The following MACROD2 variants were observed in gnomAD, a reference collection of about 807,000 sequenced individuals.
MACROD2 encodes mono-ADP ribosylhydrolase 2.
Under a neutral mutation model 70.4 loss-of-function variants are expected in MACROD2, and 36 were observed. That is an observed-to-expected ratio of 0.51 (90% CI 0.39 to 0.68). The LOEUF is 0.68. Ranked by LOEUF, MACROD2 falls within the 30% of genes least tolerant of loss-of-function variation. MACROD2 has a pLI of 0.00. For synonymous variants in MACROD2, 172 were observed against 178.8 expected, an observed-to-expected ratio of 0.96 and a Z score of 0.30; for missense variants, 496 against 538.4, an observed-to-expected ratio of 0.92 and a Z score of 0.78.
chr20:15,408,814 A>G (rs930363611), intron 6 of MACROD2, among the ~76,000 whole-genome samples: 5 of 152,238 alleles, frequency 3.3e-5, no homozygotes, highest in African/African-American at 1.2e-4. Flanking sequence ...ATGTCTGGCA[A>G]AGGAAATCTG....
At chr20:15,446,662 GGCAGCT>G (rs2046569973) in intron 7 of MACROD2, among the ~76,000 whole-genome samples, 1 of 152,128 alleles carries the variant, frequency 6.6e-6, no homozygotes, top group Non-Finnish European at 1.5e-5. Context: ...AGTGATCACC[GGCAGCT>G]CAGGGGCTCC....
At chr20:14,008,198 G>C (rs2052848971) in intron 2 of MACROD2, among the ~76,000 whole-genome samples, 1 of 152,154 alleles carries the variant, frequency 6.6e-6, no homozygotes, top group Non-Finnish European at 1.5e-5. Context: ...GTTTGTAGAT[G>C]ACATGATCCT....
intron 10 of MACROD2, among the ~76,000 whole-genome samples, chr20:15,899,258 GTA>G (rs945864948): frequency 1.3e-4 from 20 of 151,854 alleles, no homozygotes; most frequent in African/African-American, 4.6e-4. Context: ...GTACACACGT[GTA>G]TATATGTATC....
At chr20:14,918,512 C>G (rs1003818455) in intron 5 of MACROD2, among the ~76,000 whole-genome samples, 11 of 152,062 alleles carry the variant, frequency 7.2e-5, no homozygotes, top group African/African-American at 2.7e-4. Context: ...TGTAGGTCAG[C>G]TGGCACAGGG....
chr20:14,518,555 G>T (rs1301752682), intron 4 of MACROD2, among the ~76,000 whole-genome samples: 1 of 152,104 alleles, frequency 6.6e-6, no homozygotes, highest in Non-Finnish European at 1.5e-5. Flanking sequence ...CATATGTTAA[G>T]TAGAGTTTTA....
rs1170216213 is a variant in MACROD2, at chr20:15,540,168, G to C, written c.645+40321G>C. ...TAATGACAAACAGCTGAGCATGGCT[G>C]GGTGCATGAACTAAAATATTGCTTG... On this transcript the variant is annotated intron_variant, in intron 8 of 17. Transcript: ENST00000684519. Among the ~76,000 whole-genome samples, 11 of 152,312 alleles carry C rather than the reference G, an allele frequency of 7.2e-5. No individual in the cohort carries two copies. The East Asian group carries it at 2.1e-3, about 29-fold the overall frequency.
chr20:14,720,557 T>TG, intron 5 of MACROD2, among the ~76,000 whole-genome samples: 1 of 119,112 alleles, frequency 8.4e-6, no homozygotes, highest in Non-Finnish European at 1.7e-5. Flanking sequence ...TTTTTTTTTT[T>TG]TTTTTTTTTT....
intron 6 of MACROD2, among the ~76,000 whole-genome samples, chr20:15,253,140 G>C (rs560713186): frequency 1.3e-5 from 2 of 152,308 alleles, no homozygotes; most frequent in South Asian, 4.2e-4. Context: ...AGTGTGTTCA[G>C]TCATCAAAAT....
At chr20:15,025,522 T>C (rs2075223299) in intron 5 of MACROD2, among the ~76,000 whole-genome samples, 2 of 152,078 alleles carry the variant, frequency 1.3e-5, no homozygotes, top group Non-Finnish European at 2.9e-5. Context: ...TCTACCCCTC[T>C]ACCTACTCCT....
At chr20:15,073,034 A>G (rs2075630702) in intron 5 of MACROD2, among the ~76,000 whole-genome samples, 1 of 152,128 alleles carries the variant, frequency 6.6e-6, no homozygotes, top group Non-Finnish European at 1.5e-5. Flanking sequence ...CCCTTCTGCC[A>G]TGGGATGATA....
At chr20:14,459,755 T>C (rs1704312057) in intron 3 of MACROD2, among the ~76,000 whole-genome samples, 2 of 152,138 alleles carry the variant, frequency 1.3e-5, no homozygotes, top group African/African-American at 4.8e-5. Flanking sequence ...CTTTAAGTTC[T>C]GGGATACATG....
chr20:14,579,393 G>A (rs976653135), intron 4 of MACROD2, among the ~76,000 whole-genome samples: 2 of 150,588 alleles, frequency 1.3e-5, no homozygotes, highest in Non-Finnish European at 1.5e-5. Flanking sequence ...CACCCGCCTC[G>A]GCCTCCCAAA....
intron 5 of MACROD2, among the ~76,000 whole-genome samples, chr20:14,958,187 A>G (rs760225010): frequency 1.3e-5 from 2 of 152,208 alleles, no homozygotes; most frequent in Non-Finnish European, 2.9e-5. Context: ...CCACACTCAC[A>G]TCAGTCAGAA....
At chr20:14,288,683 C>T (rs922855197) in intron 3 of MACROD2, among the ~76,000 whole-genome samples, 3 of 152,128 alleles carry the variant, frequency 2.0e-5, no homozygotes, top group African/African-American at 7.2e-5. Flanking sequence ...TTTCAAGAGC[C>T]CTTCATTTCC....
At chr20:15,181,573 A>G (rs539501775) in intron 5 of MACROD2, among the ~76,000 whole-genome samples, 2 of 152,302 alleles carry the variant, frequency 1.3e-5, no homozygotes, top group African/African-American at 2.4e-5. Flanking sequence ...TTCCTTTTAC[A>G]TATACTATGT....
chr20:14,742,324 G>A (rs2123721246), intron 5 of MACROD2, among the ~76,000 whole-genome samples: 1 of 152,156 alleles, frequency 6.6e-6, no homozygotes, highest in Non-Finnish European at 1.5e-5. Context: ...GCTTTCTTCT[G>A]AGAAAAGTTT....
intron 7 of MACROD2, among the ~76,000 whole-genome samples, chr20:15,441,992 A>C (rs1208501264): frequency 6.6e-6 from 1 of 152,152 alleles, no homozygotes; most frequent in African/African-American, 2.4e-5. Context: ...ACTGTTTTGG[A>C]GTGTTGAAGA....
At position 15,695,399 on chromosome 20, in the gene MACROD2, TTTC is replaced by T. The variant is rs199713296; in HGVS notation, c.646-167334_646-167332del. ...GTGTAGTCTTTGATTTCTTTCTTTT[TTTC>T]TTCTTCTTCTTTTTTTTTTTTTGGA... On this transcript the variant is annotated intron_variant, in intron 8 of 17. Transcript: ENST00000684519. 1.9e-3 allele frequency among the ~76,000 whole-genome samples: 281 copies of T among 146,932 alleles called. 4 individuals carry two copies. The highest frequency in any genetic ancestry group is 3.5e-3 in the Middle Eastern group (1 of 282).
At chr20:15,951,150 C>T (rs540256685) in intron 12 of MACROD2, among the ~76,000 whole-genome samples, 2 of 152,092 alleles carry the variant, frequency 1.3e-5, no homozygotes, top group East Asian at 1.9e-4. Flanking sequence ...GGAGTGGTAT[C>T]GGAAAAACAT....
Sources: allele counts gnomAD v4.1 joint callset (sites outside exome capture counted in the v4.1 genomes callset), GRCh38; gene constraint gnomAD v4.1.1; transcripts MANE v1.5; gene names NCBI Gene and HGNC (gene_info 2026-07-23, HGNC 2026-07-21).